Variants in SPATC1 observed in about 807,000 individuals in gnomAD.
SPATC1 encodes the protein spermatogenesis and centriole associated 1.
SPATC1 carries 35 observed loss-of-function variants against 36.5 expected under a neutral mutation model. That is an observed-to-expected ratio of 0.96 (90% CI 0.73 to 1.27). The LOEUF is 1.27. Among genes scored for constraint, SPATC1 ranks in the 50% most tolerant of loss-of-function variants. The pLI, the probability that SPATC1 is intolerant of heterozygous loss-of-function variation, is 0.00. For synonymous variants in SPATC1, 361 were observed against 353.6 expected (o/e 1.02, Z -0.24); for missense variants, 779 against 796.0 (o/e 0.98, Z 0.26).
At position 144,041,281 on chromosome 8, in the gene SPATC1, G is replaced by A; in HGVS notation, c.1356G>A (p.Gln452=). The A allele has an allele frequency of 6.2e-7, 1 of 1,613,100 alleles. No homozygotes were observed. The highest frequency in any genetic ancestry group is 1.1e-5 in the South Asian group (1 of 91,080). Residue 452 remains glutamine, a synonymous_variant, in exon 4 of 5, where the codon CAG becomes CAA. Transcript: ENST00000377470. Reference sequence around the variant, plus strand: ...GGCTGGTGGGTGAGATTGCCTTCCAGCTGGACCGCAGGATCCTGTCCAGCA... The same window carrying A: ...GGCTGGTGGGTGAGATTGCCTTCCAACTGGACCGCAGGATCCTGTCCAGCA... ...WERLVGEIAF[Q]LDRRILSSIF...
intron 1 of SPATC1, among the ~76,000 whole-genome samples, chr8:144,031,100 T>G (rs1834783672): frequency 6.6e-6 from 1 of 152,178 alleles, no homozygotes. Flanking sequence ...GCATATGTAG[T>G]TACCTCCATT....
Position 144,016,762 on chromosome 8 carries a change from A to C in SPATC1, c.211+4036A>C, listed in dbSNP as rs1428804207. Among the ~76,000 whole-genome samples, 5 of 152,068 alleles carry C rather than the reference A, an allele frequency of 3.3e-5. No individual in the cohort carries two copies. Among genetic ancestry groups the C allele is most frequent in the Non-Finnish European group, 2.9e-5 (2 of 68,012 alleles). On this transcript the variant is annotated intron_variant, in intron 1 of 4. Coordinates refer to ENST00000377470, the MANE Select transcript of SPATC1 (RefSeq NM_198572.3). The surrounding 1 kb of genome is among the most constrained non-coding windows in gnomAD (Gnocchi z 4.5). Reference sequence around the variant, plus strand: ...GTGATTCTCCTGCCTGAGCCTCCCGAGTAGCTGGGACTACGGGCATGCACC... The same window carrying C: ...GTGATTCTCCTGCCTGAGCCTCCCGCGTAGCTGGGACTACGGGCATGCACC...
At position 144,046,676 on chromosome 8, in the gene SPATC1, G is replaced by A; in HGVS notation, c.1496G>A (p.Arg499Lys). The change falls in exon 5 of 5, where the codon AGG becomes AAG. Residue 499 changes from arginine to lysine, a missense_variant. By Grantham distance (26) the Arg-to-Lys change is conservative. Transcript: ENST00000377470. The surrounding 1 kb of genome is among the most constrained non-coding windows in gnomAD (Gnocchi z 6.6). The part of the protein sequence containing the change: ...DHKLDEKLCQ[R>K]LTQRYVSVMN... Reference sequence around the variant, plus strand: ...AAGCTGGATGAGAAGCTGTGCCAGAGGCTCACACAGCGCTATGTGAGCGTC... The same window carrying A: ...AAGCTGGATGAGAAGCTGTGCCAGAAGCTCACACAGCGCTATGTGAGCGTC... The A allele has an allele frequency of 1.9e-6, 3 of 1,612,194 alleles. No homozygotes were observed. Among genetic ancestry groups the A allele is most frequent in the Middle Eastern group, 1.7e-4 (1 of 6,052 alleles).
Position 144,016,231 on chromosome 8 carries a change from G to A in SPATC1, c.211+3505G>A, listed in dbSNP as rs557171339. Among the ~76,000 whole-genome samples the A allele has an allele frequency of 1.3e-5, 2 of 152,138 alleles. No individual in the cohort carries two copies. The highest frequency in any genetic ancestry group is 4.8e-5 in the African/African-American group (2 of 41,436). On this transcript the variant is annotated intron_variant, in intron 1 of 4. Transcript: ENST00000377470. The surrounding 1 kb of genome is among the most constrained non-coding windows in gnomAD (Gnocchi z 4.5). ...AGACTACGCCATTGCACTCCAGCCT[G>A]AGCAACAAGAGCAAGACTTCATCTC...
intron 1 of SPATC1, among the ~76,000 whole-genome samples, chr8:144,035,812 C>T (rs921913810): frequency 5.3e-5 from 8 of 152,222 alleles, no homozygotes; most frequent in African/African-American, 9.6e-5. Context: ...CCTGGCTGTG[C>T]GGGGACAGTG....
At chr8:144,019,164 A>G (rs1834454000) in intron 1 of SPATC1, among the ~76,000 whole-genome samples, 1 of 152,082 alleles carries the variant, frequency 6.6e-6, no homozygotes, top group South Asian at 2.1e-4. Flanking sequence ...GGCAGCAGCC[A>G]TCAATCTCCT....
chr8:144,032,034 T>A (rs1264201169), intron 1 of SPATC1, among the ~76,000 whole-genome samples: 5 of 149,846 alleles, frequency 3.3e-5, no homozygotes, highest in Non-Finnish European at 7.4e-5. Context: ...TCTACAAATA[T>A]TTTTTTTTTC....
chr8:144,042,304 TATATATA>T (rs1324093248), intron 4 of SPATC1, among the ~76,000 whole-genome samples: 13 of 68,436 alleles, frequency 1.9e-4, no homozygotes, highest in East Asian at 1.5e-3. Flanking sequence ...TATATATATA[TATATATA>T]TTTTTTTTTT....
chr8:144,038,989 A>G (rs1273968168), intron 1 of SPATC1, among the ~76,000 whole-genome samples: 1 of 152,220 alleles, frequency 6.6e-6, no homozygotes, highest in Non-Finnish European at 1.5e-5. Context: ...AAGGTCTCCA[A>G]GGCAACACGC....
Position 144,046,639 on chromosome 8 carries a change from C to T in SPATC1, c.1459C>T (p.Pro487Ser). The T allele has an allele frequency of 6.2e-7, 1 of 1,609,106 alleles. No homozygotes were observed. The highest frequency in any genetic ancestry group is 8.5e-7 in the Non-Finnish European group (1 of 1,178,862). The change falls in exon 5 of 5, where the codon CCC becomes TCC. Residue 487 changes from proline to serine, a missense_variant. By Grantham distance (74) the Pro-to-Ser change is moderately conservative. Coordinates refer to ENST00000377470, the MANE Select transcript of SPATC1 (RefSeq NM_198572.3). The surrounding 1 kb of genome is among the most constrained non-coding windows in gnomAD (Gnocchi z 6.6). ...GCTGTCCCCACAGGCTTCCCTGAAC[C>T]CCAGTGACCACAAGCTGGATGAGAA... ...PEKIIQASLN[P>S]SDHKLDEKLC...
Position 144,039,889 on chromosome 8 carries a change from T to A in SPATC1, c.212-20T>A. ...TGGAGGGGCTCCCCTGGGGTCTCAG[T>A]GCTTTCTCTGTGTTCCCAGGTGTCT... On this transcript the variant is annotated intron_variant, in intron 1 of 4. Coordinates refer to ENST00000377470, the MANE Select transcript of SPATC1 (RefSeq NM_198572.3). 1.2e-6 allele frequency: 2 copies of A among 1,603,544 alleles called. No individual in the cohort carries two copies. The highest frequency in any genetic ancestry group is 2.2e-5 in the East Asian group (1 of 44,796).
chr8:144,033,765 A>G (rs1587511177), intron 1 of SPATC1, among the ~76,000 whole-genome samples: 2 of 152,150 alleles, frequency 1.3e-5, no homozygotes, highest in African/African-American at 4.8e-5. Flanking sequence ...CCAGAGCCTC[A>G]TGTGGGGTTT....
At chr8:144,031,148 G>A (rs1834784544) in intron 1 of SPATC1, among the ~76,000 whole-genome samples, 1 of 152,078 alleles carries the variant, frequency 6.6e-6, no homozygotes, top group African/African-American at 2.4e-5. Context: ...TTACTGTCTA[G>A]TTTCCTTTCA....
chr8:144,033,205 G>A (rs1466602045), intron 1 of SPATC1, among the ~76,000 whole-genome samples: 1 of 152,140 alleles, frequency 6.6e-6, no homozygotes, highest in African/African-American at 2.4e-5. Context: ...AGACCAGCCT[G>A]GCCAACATGG....
At chr8:144,030,373 G>GTATT (rs1277008856) in intron 1 of SPATC1, among the ~76,000 whole-genome samples, 4 of 152,042 alleles carry the variant, frequency 2.6e-5, no homozygotes, top group African/African-American at 4.8e-5. Flanking sequence ...ATGTATGTAT[G>GTATT]TATTGAGACA....
At chr8:144,018,074 G>C (rs1460583908) in intron 1 of SPATC1, among the ~76,000 whole-genome samples, 1 of 152,158 alleles carries the variant, frequency 6.6e-6, no homozygotes, top group African/African-American at 2.4e-5. Flanking sequence ...TCCTGACTGA[G>C]GACAGGTAGA....
chr8:144,022,590 G>C (rs1834558541), intron 1 of SPATC1, among the ~76,000 whole-genome samples: 2 of 117,232 alleles, frequency 1.7e-5, no homozygotes, highest in Admixed American at 8.7e-5. Flanking sequence ...CCTCTTTCTT[G>C]AGGAACCTCT....
intron 1 of SPATC1, among the ~76,000 whole-genome samples, chr8:144,014,264 A>G (rs1299772216): frequency 5.4e-5 from 8 of 147,354 alleles, no homozygotes; most frequent in African/African-American, 2.1e-4. Flanking sequence ...AAAGAAGGAA[A>G]GAAAGAAAGA....
At chr8:144,019,798 C>T (rs1211399401) in intron 1 of SPATC1, among the ~76,000 whole-genome samples, 1 of 152,138 alleles carries the variant, frequency 6.6e-6, no homozygotes, top group African/African-American at 2.4e-5. Flanking sequence ...AGGGCCTGCT[C>T]TAGCCACCAG....
Sources: gnomAD v4.1 joint callset for allele counts (sites outside exome capture counted in the v4.1 genomes callset) on GRCh38, gnomAD v4.1.1 for gene constraint, Gnocchi (gnomAD v3.1) non-coding constraint, MANE v1.5 for transcripts, NCBI Gene and HGNC (gene_info 2026-07-23, HGNC 2026-07-21) for gene names.